The following TRPV2 variants were observed in gnomAD, a reference collection of about 807,000 sequenced individuals.
The protein encoded by TRPV2 is OTRPC2.
A neutral mutation model predicts 91.0 loss-of-function variants in TRPV2; 58 were observed. The ratio of observed to expected loss-of-function variants is 0.64; its 90% CI spans 0.52 to 0.79. The LOEUF (loss-of-function observed/expected upper bound fraction) is 0.79. Among genes scored for constraint, TRPV2 ranks in the 30% least tolerant of loss-of-function variants. The probability of loss-of-function intolerance (pLI) is 0.00; values close to 1 mark genes in which losing one functional copy is unlikely to be tolerated. For missense variants in TRPV2, 807 were observed against 969.6 expected, an observed-to-expected ratio of 0.83 and a Z score of 2.23; for synonymous variants, 417 against 414.8, an observed-to-expected ratio of 1.01 and a Z score of -0.06.
At position 16,434,820 on chromosome 17, in the gene TRPV2, C is replaced by T. The variant is rs188233213; in HGVS notation, c.2115-70C>T. 4,715 of 1,494,124 alleles carry T rather than the reference C, an allele frequency of 3.2e-3. 7 individuals are homozygous for T. The highest frequency in any genetic ancestry group is 3.9e-3 in the Non-Finnish European group (4,208 of 1,081,672). 92.6% of individuals were successfully genotyped at this position (1,494,124 alleles called of 1,614,324 possible). On this transcript the variant is annotated intron_variant, in intron 13 of 14. Transcript: ENST00000338560. ...CATAGTCTCCCAATTTGGGGGGCCACGCCCCTCTCCGGGGTGGGAGGGGAG... is the reference window on the plus strand; with the variant it reads ...CATAGTCTCCCAATTTGGGGGGCCATGCCCCTCTCCGGGGTGGGAGGGGAG...
chr17:16,436,677 G>A, intron 14 of TRPV2, 112 bp from the exon 15 acceptor site: 1 of 750,224 alleles, frequency 1.3e-6, no homozygotes, highest in Non-Finnish European at 2.4e-6. Context: ...GGATCGCTGA[G>A]GCTGTCCCCA....
In TRPV2 at chr17:16,428,308, C is replaced by A. The variant is rs769647317; in HGVS notation, c.1351-9C>A. On this transcript the variant is annotated splice_polypyrimidine_tract_variant and intron_variant, in intron 8 of 14. Coordinates refer to ENST00000338560, the MANE Select transcript of TRPV2 (RefSeq NM_016113.5). ...GTTTCACAGCCCTCTGTCCTCCCTT[C>A]CTCCGCAGCTGTGGTACTTCTGGCG... 6.2e-7 allele frequency: 1 copy of A among 1,614,146 alleles called. No individual in the cohort carries two copies. The highest frequency in any genetic ancestry group is 1.1e-5 in the South Asian group (1 of 91,088).
rs2093337960 is a variant in TRPV2 at position 16,417,740 on chromosome 17, G to C, written c.72G>C (p.Glu24Asp). Residue 24 changes from glutamate (E) to aspartate (D), a missense_variant, in exon 2 of 15, where the codon GAG (glutamate) becomes GAC (aspartate). Glu to Asp is a conservative substitution (Grantham distance 45, BLOSUM62 2). Coordinates refer to ENST00000338560, the MANE Select transcript of TRPV2 (RefSeq NM_016113.5). ...ATGGAGGCCAAGAAGATGGCTCTGA[G>C]GCGGACAGAGGAAAGCTGGATTTTG... Reference protein sequence around the residue: ...TLDGGQEDGSEADRGKLDFGS... With the variant: ...TLDGGQEDGSDADRGKLDFGS... 6.2e-7 allele frequency: 1 copy of C among 1,614,230 alleles called. No individual in the cohort carries two copies. The highest frequency in any genetic ancestry group is 8.5e-7 in the Non-Finnish European group (1 of 1,180,036).
rs1253008031 is a variant in TRPV2 at position 16,431,271 on chromosome 17, ATATATATATATATATACATATTTTTTTT to A, written c.1588-511_1588-484del. Among the ~76,000 whole-genome samples, 29 of 72,298 alleles carry A rather than the reference ATATATATATATATATACATATTTTTTTT, an allele frequency of 4.0e-4. 1 individual carries two copies. The highest frequency in any genetic ancestry group is 6.5e-3 in the Middle Eastern group (1 of 154). 47.4% of individuals were successfully genotyped at this position (72,298 alleles called of 152,430 possible). A position where few individuals can be genotyped will look rare whatever the true frequency, so the allele number is the denominator to read the frequency against. On this transcript the variant is annotated intron_variant, in intron 10 of 14. Transcript: ENST00000338560. ...TGATCTGAGACATATATATATATAT[ATATATATATATATATACATATTTTTTTT>A]TTTTTTTTTTTTGAGACGAAGTCTC... is the stretch of plus-strand genomic sequence containing the variant.
In TRPV2 at chr17:16,436,898, A is replaced by G; in HGVS notation, c.*9A>G. On this transcript the variant is annotated 3_prime_UTR_variant, in exon 15 of 15. Transcript: ENST00000338560. ...TCCTCCAGTCCAACTGATGGCCCAGATGCAGCAGGAGGCCAGAGGACAGAG... is the reference window on the plus strand; with the variant it reads ...TCCTCCAGTCCAACTGATGGCCCAGGTGCAGCAGGAGGCCAGAGGACAGAG... The G allele has an allele frequency of 6.2e-7, 1 of 1,609,244 alleles. No homozygotes were observed.
intron 10 of TRPV2, among the ~76,000 whole-genome samples, chr17:16,431,080 CTCAT>C (rs1366507494): frequency 6.8e-6 from 1 of 147,702 alleles, no homozygotes; most frequent in Non-Finnish European, 1.5e-5. Context: ...TGAGATGGGA[CTCAT>C]TCAGTCACCC....
In TRPV2 at chr17:16,436,986, T is replaced by C; in HGVS notation, c.*97T>C. ...TCCCAGTGAATTCTGGTGGCAAATA[T>C]ATATTTTCACTAACTAACTCTTCTG... On this transcript the variant is annotated 3_prime_UTR_variant, in exon 15 of 15. Transcript: ENST00000338560. 2.1e-6 allele frequency: 2 copies of C among 972,434 alleles called. No homozygotes were observed. Among genetic ancestry groups the C allele is most frequent in the Non-Finnish European group, 3.2e-6 (2 of 621,228 alleles). 60.2% of individuals were successfully genotyped at this position (972,434 alleles called of 1,614,324 possible).
Position 16,417,875 on chromosome 17 carries a change from C to T in TRPV2, c.200+7C>T, listed in dbSNP as rs752260022. The T allele has an allele frequency of 1.9e-6, 3 of 1,613,076 alleles. No homozygotes were observed. The highest frequency in any genetic ancestry group is 1.1e-5 in the South Asian group (1 of 90,938). ...GAAAGGGAACAGGTGCCAGGTGAGACAGCAAGTGGGGGCAGGGCAAAGGGG... is the reference window on the plus strand; with the variant it reads ...GAAAGGGAACAGGTGCCAGGTGAGATAGCAAGTGGGGGCAGGGCAAAGGGG... On this transcript the variant is annotated splice_region_variant and intron_variant, in intron 2 of 14. Transcript: ENST00000338560.
At position 16,432,102 on chromosome 17, in the gene TRPV2, C is replaced by T. The variant is rs1186302114; in HGVS notation, c.1791C>T (p.Ser597=). 1 of 1,614,256 alleles carries T rather than the reference C, an allele frequency of 6.2e-7. No homozygotes were observed. Among genetic ancestry groups the T allele is most frequent in the Non-Finnish European group, 8.5e-7 (1 of 1,180,044 alleles). The change falls in exon 12 of 15, where the codon TCC becomes TCT. Residue 597 remains serine, a synonymous_variant. Coordinates refer to ENST00000338560, the MANE Select transcript of TRPV2 (RefSeq NM_016113.5). ...GAQYRGILEA[S]LELFKFTIGM... ...AGTACAGGGGTATCCTGGAAGCCTC[C>T]TTGGAGCTCTTCAAATTCACCATCG...
chr17:16,423,000 C>A, intron 4 of TRPV2, 111 bp downstream of exon 4: 2 of 1,312,366 alleles, frequency 1.5e-6, no homozygotes, highest in Non-Finnish European at 2.0e-6. Flanking sequence ...TTTTTCTGAC[C>A]CCGATGCCCT....
chr17:16,417,498 T>C, intron 1 of TRPV2, 64 bp from the exon 2 acceptor site: 1 of 619,798 alleles, frequency 1.6e-6, no homozygotes, highest in Non-Finnish European at 2.8e-6. Flanking sequence ...CCTCCCAAAG[T>C]GCTGGGATTA....
intron 2 of TRPV2, chr17:16,419,287 A>T: frequency 2.1e-6 from 1 of 470,512 alleles, no homozygotes; most frequent in South Asian, 1.5e-5. Flanking sequence ...AGACGCTGCT[A>T]GATTCTAGAT....
At chr17:16,429,118 G>A (rs532105862) in intron 10 of TRPV2, 136 bp downstream of exon 10, 127 of 988,482 alleles carry the variant, frequency 1.3e-4, no homozygotes, top group Non-Finnish European at 1.7e-4. Flanking sequence ...TTGCTGGATG[G>A]AAGCTTAAGT....
chr17:16,436,789 G>A lies in TRPV2; in HGVS notation c.2195G>A (p.Arg732Gln). 2 of 1,613,040 alleles carry A rather than the reference G, an allele frequency of 1.2e-6. No individual in the cohort carries two copies. The highest frequency in any genetic ancestry group is 1.7e-6 in the Non-Finnish European group (2 of 1,179,078). ...TACAGTGCTTGCCATCTGTTTACAG[G>A]AACTCTCGAGAACCCTGTCCTGGCT... ...CEDPSGAGVP[R>Q]TLENPVLASP... Residue 732 changes from arginine to glutamine, a missense_variant and splice_region_variant, in exon 15 of 15, where the codon CGA (arginine) becomes CAA (glutamine). Coordinates refer to ENST00000338560, the MANE Select transcript of TRPV2 (RefSeq NM_016113.5).
At chr17:16,418,064 C>T (rs1037082890) in intron 2 of TRPV2, among the ~76,000 whole-genome samples, 196 bp downstream of exon 2, 1 of 152,240 alleles carries the variant, frequency 6.6e-6, no homozygotes, top group Non-Finnish European at 1.5e-5. Flanking sequence ...TTTCCAGAGG[C>T]TTCCCCATTC....
chr17:16,421,945 T>C (rs552334884), intron 3 of TRPV2, among the ~76,000 whole-genome samples: 1 of 152,306 alleles, frequency 6.6e-6, no homozygotes, highest in African/African-American at 2.4e-5. Flanking sequence ...TGGAGTCATG[T>C]ACAAATACTG....
Position 16,426,638 on chromosome 17 carries a change from G to T in TRPV2, c.1096-84G>T. The stretch of plus-strand genomic sequence containing the variant: ...CCCTGTCCTCTCTCCTCATTTCCTG[G>T]GCCCTTGCTTTGATCTTGACATGGA... On this transcript the variant is annotated intron_variant, in intron 6 of 14. Transcript: ENST00000338560. This position sits in a 1 kb window ranked among gnomAD's most constrained non-coding sequence, Gnocchi z 6.0. 6.7e-7 allele frequency: 1 copy of T among 1,491,358 alleles called. No individual in the cohort carries two copies. The highest frequency in any genetic ancestry group is 9.1e-7 in the Non-Finnish European group (1 of 1,104,414). 92.4% of individuals were successfully genotyped at this position (1,491,358 alleles called of 1,614,324 possible). A position where few individuals can be genotyped will look rare whatever the true frequency, so the allele number is the denominator to read the frequency against.
At chr17:16,431,734 T>C (rs1474990166) in intron 10 of TRPV2, 50 bp from the exon 11 acceptor site, 1 of 1,587,344 alleles carries the variant, frequency 6.3e-7, no homozygotes, top group East Asian at 2.2e-5. Flanking sequence ...TCTGGGGTCG[T>C]GACTGGTGGC....
chr17:16,420,388 C>A, intron 3 of TRPV2, 140 bp downstream of exon 3: 1 of 1,122,200 alleles, frequency 8.9e-7, no homozygotes, highest in Non-Finnish European at 1.3e-6. Context: ...GCTGGGGGGC[C>A]CTGTGGACAG....
Sources: gnomAD v4.1 joint callset for allele counts (sites outside exome capture counted in the v4.1 genomes callset) on GRCh38, gnomAD v4.1.1 for gene constraint, Gnocchi (gnomAD v3.1) non-coding constraint, MANE v1.5 for transcripts, NCBI Gene and HGNC (gene_info 2026-07-23, HGNC 2026-07-21) for gene names.